Variants in CACNA2D3 observed in about 807,000 individuals in gnomAD.
CACNA2D3 encodes voltage-dependent calcium channel subunit alpha-2/delta-3.
In CACNA2D3, 60 loss-of-function variants were observed where a neutral mutation model predicts 160.6. The ratio of observed to expected loss-of-function variants is 0.37; its 90% confidence interval spans 0.30 to 0.46. The LOEUF (loss-of-function observed/expected upper bound fraction) is 0.46, where lower values mean the gene tolerates loss of function less well. Ranked by LOEUF, CACNA2D3 falls within the 20% of genes least tolerant of loss-of-function variation. The pLI is 1.00. For missense variants in CACNA2D3, 1,205 were observed against 1,365.0 expected, an observed-to-expected ratio of 0.88 and a Z score of 1.85; for synonymous variants, 558 against 492.9, an observed-to-expected ratio of 1.13 and a Z score of -1.75.
intron 4 of CACNA2D3, among the ~76,000 whole-genome samples, chr3:54,406,684 G>T (rs1308264798): frequency 6.6e-6 from 1 of 152,006 alleles, no homozygotes; most frequent in Non-Finnish European, 1.5e-5. Context: ...GGAAATGGGA[G>T]TTGTAGGTCA....
intron 3 of CACNA2D3, among the ~76,000 whole-genome samples, chr3:54,348,309 G>T (rs1029622606): frequency 9.9e-5 from 15 of 152,250 alleles, no homozygotes; most frequent in African/African-American, 2.9e-4. Context: ...AGTTATTTTT[G>T]ATTTCACTGG....
chr3:54,348,912 G>A (rs1000316648), intron 3 of CACNA2D3, among the ~76,000 whole-genome samples: 9 of 152,140 alleles, frequency 5.9e-5, no homozygotes, highest in Non-Finnish European at 1.0e-4. Context: ...ATTTTTAGTA[G>A]AGACGGGGTT....
chr3:54,814,043 A>G (rs1703394881), intron 13 of CACNA2D3, among the ~76,000 whole-genome samples: 1 of 150,750 alleles, frequency 6.6e-6, no homozygotes, highest in South Asian at 2.1e-4. Context: ...TTTTTTTTGT[A>G]TTTTTTGTAG....
At chr3:55,025,430 G>A (rs369761516) in intron 35 of CACNA2D3, among the ~76,000 whole-genome samples, 2 of 151,842 alleles carry the variant, frequency 1.3e-5, no homozygotes, top group Non-Finnish European at 2.9e-5. Flanking sequence ...TCAGGAGTTC[G>A]AGCCCAGCCT....
At chr3:55,046,492 A>G (rs917979309) in intron 35 of CACNA2D3, among the ~76,000 whole-genome samples, 9 of 70,290 alleles carry the variant, frequency 1.3e-4, no homozygotes, top group Admixed American at 4.6e-4. Context: ...TTCTTAATCC[A>G]GTCTATCGTT....
At position 54,122,700 on chromosome 3, in the gene CACNA2D3, G is replaced by A; in HGVS notation, c.-14G>A. 1 of 1,155,124 alleles carries A rather than the reference G, an allele frequency of 8.7e-7. No homozygotes were observed. The highest frequency in any genetic ancestry group is 1.1e-6 in the Non-Finnish European group (1 of 939,750). 71.6% of individuals were successfully genotyped at this position (1,155,124 alleles called of 1,614,324 possible). On this transcript the variant is annotated 5_prime_UTR_variant, in exon 1 of 38. Transcript: ENST00000474759. ...TCGTCGCCGCCGCAGCGGGCGCGTCGGAGGGAGCCCAGCATGGCCGGGCCG... is the reference window on the plus strand; with the variant it reads ...TCGTCGCCGCCGCAGCGGGCGCGTCAGAGGGAGCCCAGCATGGCCGGGCCG...
At chr3:54,218,765 C>G (rs534110012) in intron 2 of CACNA2D3, among the ~76,000 whole-genome samples, 1 of 152,172 alleles carries the variant, frequency 6.6e-6, no homozygotes, top group Admixed American at 6.5e-5. Flanking sequence ...TCTGGAGGCT[C>G]TAGGGAAAAA....
At chr3:54,546,676 A>C (rs1240230587) in intron 5 of CACNA2D3, among the ~76,000 whole-genome samples, 2 of 151,568 alleles carry the variant, frequency 1.3e-5, no homozygotes, top group African/African-American at 4.9e-5. Context: ...GCGTATCATG[A>C]TTACACCAGA....
At position 54,679,400 on chromosome 3, in the gene CACNA2D3, T is replaced by C. The variant is rs567314693; in HGVS notation, c.1167+37159T>C. 7.9e-5 allele frequency among the ~76,000 whole-genome samples: 12 copies of C among 152,308 alleles called. No individual in the cohort carries two copies. The South Asian group carries it at 1.2e-3, about 16-fold the overall frequency. ...ATAGATGCTAGAGCGGTTGAGGGAA[T>C]AGGAAGAAGTTCAGGGCCTACTGAG... On this transcript the variant is annotated intron_variant, in intron 11 of 37. Transcript: ENST00000474759.
chr3:54,843,423 G>A (rs1024951788), intron 16 of CACNA2D3, among the ~76,000 whole-genome samples: 2 of 152,198 alleles, frequency 1.3e-5, no homozygotes, highest in Non-Finnish European at 2.9e-5. Flanking sequence ...GGGGTGCCTT[G>A]GGTAGCAGGC....
At chr3:54,658,345 T>A (rs548409634) in intron 11 of CACNA2D3, among the ~76,000 whole-genome samples, 10 of 152,308 alleles carry the variant, frequency 6.6e-5, no homozygotes, top group Non-Finnish European at 1.2e-4. Flanking sequence ...CTTGTTATAT[T>A]TTGTCTTTTT....
At chr3:54,190,712 C>G (rs985504090) in intron 2 of CACNA2D3, among the ~76,000 whole-genome samples, 5 of 152,114 alleles carry the variant, frequency 3.3e-5, no homozygotes, top group African/African-American at 1.2e-4. Context: ...TTTTCAATCT[C>G]TCCTTATAAG....
intron 11 of CACNA2D3, among the ~76,000 whole-genome samples, chr3:54,676,567 A>G (rs1033048764): frequency 1.3e-5 from 2 of 152,102 alleles, no homozygotes; most frequent in African/African-American, 4.8e-5. Flanking sequence ...AGCCAGAGAG[A>G]TGGCATCTGG....
intron 9 of CACNA2D3, among the ~76,000 whole-genome samples, chr3:54,612,353 C>A (rs1168640024): frequency 1.3e-5 from 2 of 152,116 alleles, no homozygotes; most frequent in Non-Finnish European, 2.9e-5. Context: ...TGACATTAAT[C>A]ATTTTTTTTA....
At chr3:54,212,885 C>G (rs1462605108) in intron 2 of CACNA2D3, among the ~76,000 whole-genome samples, 2 of 152,088 alleles carry the variant, frequency 1.3e-5, no homozygotes, top group Non-Finnish European at 2.9e-5. Context: ...CAAGACCTGC[C>G]CCACAGGACA....
chr3:54,325,961 G>A lies in CACNA2D3; in HGVS notation c.321+5403G>A, dbSNP rs917806216. On this transcript the variant is annotated intron_variant, in intron 3 of 37. Coordinates refer to ENST00000474759, the MANE Select transcript of CACNA2D3 (RefSeq NM_018398.3). Reference sequence around the variant, plus strand: ...AAAAATAAATACCTTTGCTTGTTGGGAAGAGCTAAAGGAGACTAGATTTTA... The same window carrying A: ...AAAAATAAATACCTTTGCTTGTTGGAAAGAGCTAAAGGAGACTAGATTTTA... Among the ~76,000 whole-genome samples, 7 of 152,284 alleles carry A rather than the reference G, an allele frequency of 4.6e-5. No homozygotes were observed. In the South Asian group the frequency reaches 6.2e-4, roughly 14 times the overall value.
intron 2 of CACNA2D3, among the ~76,000 whole-genome samples, chr3:54,290,741 G>A (rs1416526147): frequency 6.6e-6 from 1 of 151,960 alleles, no homozygotes; most frequent in East Asian, 1.9e-4. Flanking sequence ...AAAAAATGAT[G>A]AGTTCATGTC....
chr3:54,726,205 G>A (rs1701273747), intron 11 of CACNA2D3, among the ~76,000 whole-genome samples: 1 of 151,998 alleles, frequency 6.6e-6, no homozygotes, highest in Admixed American at 6.6e-5. Context: ...AACTTACAAG[G>A]GATGTGAAGG....
intron 11 of CACNA2D3, among the ~76,000 whole-genome samples, chr3:54,738,909 T>C (rs1262668154): frequency 4.6e-5 from 7 of 152,156 alleles, no homozygotes; most frequent in Non-Finnish European, 8.8e-5. Flanking sequence ...CCCAATACTT[T>C]GGGCGGCCGA....
Sources: gnomAD v4.1 joint callset for allele counts (sites outside exome capture counted in the v4.1 genomes callset) on GRCh38, gnomAD v4.1.1 for gene constraint, MANE v1.5 for transcripts, NCBI Gene and HGNC (gene_info 2026-07-23, HGNC 2026-07-21) for gene names.